RGS7: variants seen among roughly 807,000 people sequenced by gnomAD.
RGS7 encodes the protein regulator of G protein signaling 7.
In RGS7, 27 loss-of-function variants were observed where a neutral mutation model predicts 81.1. That is an observed-to-expected ratio of 0.33 (90% confidence interval 0.25 to 0.46). The LOEUF (loss-of-function observed/expected upper bound fraction) is 0.46. Ranked by LOEUF, RGS7 falls within the 20% of genes least tolerant of loss-of-function variation. The pLI is 1.00. For synonymous variants in RGS7, 208 were observed against 207.7 expected (o/e 1.00, Z -0.01); for missense variants, 396 against 607.4 (o/e 0.65, Z 3.66).
chr1:240,794,766 G>A (rs1686704217), intron 18 of RGS7, among the ~76,000 whole-genome samples: 1 of 152,130 alleles, frequency 6.6e-6, no homozygotes, highest in African/African-American at 2.4e-5. Flanking sequence ...TCCCAGACGT[G>A]GCACCTGTAT....
At chr1:241,336,862 T>C (rs1217685996) in intron 2 of RGS7, among the ~76,000 whole-genome samples, 1 of 152,202 alleles carries the variant, frequency 6.6e-6, no homozygotes, top group Non-Finnish European at 1.5e-5. Flanking sequence ...CCTTCATATG[T>C]GAAGATAAAG....
At chr1:241,288,990 T>C (rs1033637631) in intron 2 of RGS7, among the ~76,000 whole-genome samples, 6 of 152,208 alleles carry the variant, frequency 3.9e-5, no homozygotes, top group Non-Finnish European at 7.3e-5. Context: ...GCTCAGTGAT[T>C]ATATAAATCC....
intron 2 of RGS7, among the ~76,000 whole-genome samples, chr1:241,139,760 G>A (rs565272146): frequency 2.6e-5 from 4 of 152,230 alleles, no homozygotes; most frequent in East Asian, 3.9e-4. Flanking sequence ...GATGTTCATC[G>A]TCTTTTCATG....
At chr1:241,006,908 TTTCTTCTTC>T in intron 3 of RGS7, among the ~76,000 whole-genome samples, 1 of 152,172 alleles carries the variant, frequency 6.6e-6, no homozygotes, top group East Asian at 1.9e-4. Context: ...GCACTTTCTC[TTTCTTCTTC>T]TTCTTCTTAT....
intron 9 of RGS7, among the ~76,000 whole-genome samples, chr1:240,842,501 T>G (rs10926366): frequency 0.67 from 101,354 of 151,688 alleles, 34,265 homozygotes; most frequent in Middle Eastern, 0.76. Flanking sequence ...TGTTTGTCAG[T>G]ATTTGAGGAA....
chr1:241,229,215 C>T (rs2075503830), intron 2 of RGS7, among the ~76,000 whole-genome samples: 1 of 152,148 alleles, frequency 6.6e-6, no homozygotes, highest in African/African-American at 2.4e-5. Context: ...GAACAGATGG[C>T]CCACGGACTT....
At chr1:240,861,368 G>T (rs969725418) in intron 9 of RGS7, among the ~76,000 whole-genome samples, 2 of 152,048 alleles carry the variant, frequency 1.3e-5, no homozygotes, top group Non-Finnish European at 2.9e-5. Flanking sequence ...ATAGACTGGG[G>T]AAGCAAAGAA....
intron 2 of RGS7, among the ~76,000 whole-genome samples, chr1:241,265,600 A>T (rs2148310833): frequency 6.6e-6 from 1 of 152,286 alleles, no homozygotes; most frequent in Middle Eastern, 3.4e-3. Flanking sequence ...TCAGACAAGC[A>T]AACTAAAGGA....
intron 2 of RGS7, among the ~76,000 whole-genome samples, chr1:241,192,119 C>A (rs1240188123): frequency 1.3e-5 from 2 of 150,570 alleles, no homozygotes; most frequent in African/African-American, 2.5e-5. Flanking sequence ...CCATATCTTG[C>A]CAGCCTGGCC....
At chr1:241,018,745 C>T (rs1233435171) in intron 3 of RGS7, among the ~76,000 whole-genome samples, 2 of 152,074 alleles carry the variant, frequency 1.3e-5, no homozygotes, top group Admixed American at 1.3e-4. Context: ...CTGTCCCTCC[C>T]TCCTCAAGGG....
intron 15 of RGS7, 22 bp downstream of exon 15, chr1:240,806,118 G>A: frequency 3.7e-6 from 6 of 1,608,384 alleles, no homozygotes; most frequent in Non-Finnish European, 4.3e-6. Flanking sequence ...CGTTTGTGGT[G>A]TGAGGCTCAC....
intron 6 of RGS7, among the ~76,000 whole-genome samples, chr1:240,929,621 T>G (rs1489895978): frequency 1.3e-5 from 2 of 152,186 alleles, no homozygotes; most frequent in African/African-American, 4.8e-5. Context: ...TTATTTTTTC[T>G]TCTTATAAAA....
intron 2 of RGS7, among the ~76,000 whole-genome samples, chr1:241,136,996 A>G (rs574351847): frequency 1.3e-5 from 2 of 152,262 alleles, no homozygotes; most frequent in South Asian, 4.2e-4. Flanking sequence ...TTATAAAGCT[A>G]ATTCTTAAAC....
intron 18 of RGS7, among the ~76,000 whole-genome samples, chr1:240,791,635 A>T (rs1686024274): frequency 6.6e-6 from 1 of 152,190 alleles, no homozygotes; most frequent in Non-Finnish European, 1.5e-5. Context: ...ATGAAGCTAC[A>T]TGTGTCTTTA....
intron 3 of RGS7, among the ~76,000 whole-genome samples, chr1:241,023,003 C>A (rs1047073425): frequency 2.0e-5 from 3 of 151,106 alleles, no homozygotes; most frequent in African/African-American, 7.3e-5. Flanking sequence ...TGGGTAAAAT[C>A]ATGTAAAATA....
At chr1:241,341,870 CTTTT>C (rs35903618) in intron 2 of RGS7, among the ~76,000 whole-genome samples, 3 of 89,516 alleles carry the variant, frequency 3.4e-5, no homozygotes, top group South Asian at 4.0e-4. Context: ...CTCTTCAACT[CTTTT>C]TTTTTTTTTT....
chr1:240,896,670 G>A (rs979718936), intron 6 of RGS7, among the ~76,000 whole-genome samples: 19 of 152,172 alleles, frequency 1.2e-4, no homozygotes, highest in African/African-American at 3.4e-4. Context: ...AGTACCATGC[G>A]GTTTGGTTAC....
At chr1:241,287,922 G>T (rs1027402532) in intron 2 of RGS7, among the ~76,000 whole-genome samples, 1 of 152,152 alleles carries the variant, frequency 6.6e-6, no homozygotes, top group South Asian at 2.1e-4. Flanking sequence ...ATTGAAAATG[G>T]AGGTATACAT....
At chr1:240,890,532 CTTAAAG>C (rs1413308959) in intron 6 of RGS7, among the ~76,000 whole-genome samples, 1 of 151,804 alleles carries the variant, frequency 6.6e-6, no homozygotes, top group Non-Finnish European at 1.5e-5. Flanking sequence ...ATAAGTATTG[CTTAAAG>C]TTAAAAATAA....
Sources: allele counts gnomAD v4.1 joint callset (sites outside exome capture counted in the v4.1 genomes callset), GRCh38; gene constraint gnomAD v4.1.1; transcripts MANE v1.5; gene names NCBI Gene and HGNC (gene_info 2026-07-23, HGNC 2026-07-21).